PTH2R: variants seen among roughly 807,000 people sequenced by gnomAD.
The protein encoded by PTH2R is PTH2 receptor.
Under a neutral mutation model 60.3 loss-of-function variants are expected in PTH2R, and 59 were observed. The observed-to-expected ratio is 0.98, with a 90% CI of 0.79 to 1.22. PTH2R has a LOEUF of 1.22. PTH2R is among the 50% of genes most tolerant of loss of function. The pLI, the probability that PTH2R is intolerant of heterozygous loss-of-function variation, is 0.00. For synonymous variants in PTH2R, 256 were observed against 243.8 expected (o/e 1.05, Z -0.47); for missense variants, 749 against 682.6 (o/e 1.10, Z -1.08).
chr2:208,445,702 C>CA (rs943248901), intron 7 of PTH2R, among the ~76,000 whole-genome samples: 5 of 152,050 alleles, frequency 3.3e-5, no homozygotes, highest in African/African-American at 1.2e-4. Context: ...TTTTCCTCTC[C>CA]AAAATAAGAA....
At chr2:208,365,781 C>G (rs1700566706) in intron 1 of PTH2R, among the ~76,000 whole-genome samples, 1 of 145,386 alleles carries the variant, frequency 6.9e-6, no homozygotes, top group Admixed American at 6.9e-5. Flanking sequence ...CACTGTCACC[C>G]AGGCTGGAGT....
chr2:208,464,008 G>C (rs1232341612), intron 9 of PTH2R, among the ~76,000 whole-genome samples: 7 of 152,172 alleles, frequency 4.6e-5, no homozygotes, highest in Non-Finnish European at 8.8e-5. Flanking sequence ...ACCCAAAATG[G>C]TATAATTATT....
At chr2:208,490,106 T>C (rs751192553) in intron 11 of PTH2R, among the ~76,000 whole-genome samples, 32 of 152,182 alleles carry the variant, frequency 2.1e-4, no homozygotes, top group Non-Finnish European at 3.4e-4. Context: ...ATGTGCTATT[T>C]GTTTATATTT....
At chr2:208,408,260 A>G (rs1701458702) in intron 1 of PTH2R, among the ~76,000 whole-genome samples, 1 of 152,252 alleles carries the variant, frequency 6.6e-6, no homozygotes, top group South Asian at 2.1e-4. Flanking sequence ...GATAGCTGAA[A>G]GTAAGATACA....
At chr2:208,429,915 A>T (rs1311993975) in intron 2 of PTH2R, among the ~76,000 whole-genome samples, 1 of 152,204 alleles carries the variant, frequency 6.6e-6, no homozygotes, top group Non-Finnish European at 1.5e-5. Flanking sequence ...AACTACATTA[A>T]TTGTAGTTAC....
intron 7 of PTH2R, among the ~76,000 whole-genome samples, chr2:208,446,983 C>T (rs188791277): frequency 6.6e-5 from 10 of 152,210 alleles, no homozygotes; most frequent in African/African-American, 1.7e-4. Context: ...TGCTTAAATT[C>T]CTTTGTTACT....
At chr2:208,434,411 C>G (rs1044133351) in intron 2 of PTH2R, among the ~76,000 whole-genome samples, 6 of 152,080 alleles carry the variant, frequency 3.9e-5, no homozygotes, top group African/African-American at 9.7e-5. Context: ...AAAAAATAAG[C>G]ATGATCTACA....
chr2:208,413,141 C>CCACACACACA lies in PTH2R; in HGVS notation c.75+6044_75+6053dup, dbSNP rs5838121. ...TCATCTTTATTTGTTTAAAAAGTGACCACACACACACACACACACACACAC... is the reference window on the plus strand; with the variant it reads ...TCATCTTTATTTGTTTAAAAAGTGACCACACACACACACACACACACACACACACACACAC... On this transcript the variant is annotated intron_variant, in intron 1 of 12. Coordinates refer to ENST00000272847, the MANE Select transcript of PTH2R (RefSeq NM_005048.4). Among the ~76,000 whole-genome samples, 515 of 149,866 alleles carry CCACACACACA rather than the reference C, an allele frequency of 3.4e-3. 1 individual carries two copies. The highest frequency in any genetic ancestry group is 0.012 in the African/African-American group (478 of 40,856).
At chr2:208,452,878 A>G (rs530460784) in intron 8 of PTH2R, among the ~76,000 whole-genome samples, 11 of 152,322 alleles carry the variant, frequency 7.2e-5, no homozygotes, top group Middle Eastern at 3.4e-3. Flanking sequence ...AAGTACTTTG[A>G]TCTCAGATAT....
At chr2:208,389,778 G>A (rs993947368) in intron 1 of PTH2R, among the ~76,000 whole-genome samples, 2 of 151,838 alleles carry the variant, frequency 1.3e-5, no homozygotes, top group African/African-American at 4.8e-5. Flanking sequence ...TTTGAAGATA[G>A]ATTTCTTTTC....
chr2:208,493,788 T>A lies in PTH2R; in HGVS notation c.*129T>A. 1 of 1,090,530 alleles carries A rather than the reference T, an allele frequency of 9.2e-7. No homozygotes were observed. The highest frequency in any genetic ancestry group is 2.6e-5 in the East Asian group (1 of 38,022). The allele number at this position is 1,090,530 out of a possible 1,614,324, so 67.6% of individuals were successfully genotyped here. ...TAAGGTGTTACTTAATAATAGTTTT[T>A]AGGCTCCATGAATTGGCTCCTGTAA... On this transcript the variant is annotated 3_prime_UTR_variant, in exon 13 of 13. Transcript: ENST00000272847.
At chr2:208,465,263 A>G (rs1389666984) in intron 9 of PTH2R, among the ~76,000 whole-genome samples, 1 of 152,080 alleles carries the variant, frequency 6.6e-6, no homozygotes, top group East Asian at 1.9e-4. Context: ...GGTGGGAGCC[A>G]CCATGCCCAG....
intron 3 of PTH2R, 49 bp from the exon 4 acceptor site, chr2:208,437,711 T>C: frequency 6.2e-7 from 1 of 1,604,280 alleles, no homozygotes; most frequent in Non-Finnish European, 8.5e-7. Flanking sequence ...TTCTTGATAA[T>C]AGATTCTAAG....
intron 9 of PTH2R, among the ~76,000 whole-genome samples, chr2:208,462,732 G>A (rs1702658604): frequency 6.6e-6 from 1 of 152,194 alleles, no homozygotes; most frequent in Non-Finnish European, 1.5e-5. Flanking sequence ...CATGAGCAAA[G>A]GTGGTAGTGA....
intron 8 of PTH2R, 93 bp from the exon 9 acceptor site, chr2:208,459,802 G>C (rs1251426241): frequency 1.0e-6 from 1 of 962,726 alleles, no homozygotes; most frequent in African/African-American, 1.6e-5. Flanking sequence ...TGGAAGTGTG[G>C]GGTTGGAGTT....
intron 1 of PTH2R, among the ~76,000 whole-genome samples, chr2:208,412,919 A>C (rs1359715105): frequency 6.6e-6 from 1 of 152,268 alleles, no homozygotes; most frequent in Non-Finnish European, 1.5e-5. Flanking sequence ...AATTTTATAT[A>C]TATTTTCACT....
rs1331249442 is a variant in PTH2R at position 208,407,028 on chromosome 2, T to G, written c.-16T>G. 3 of 1,390,790 alleles carry G rather than the reference T, an allele frequency of 2.2e-6. No individual in the cohort carries two copies. The highest frequency in any genetic ancestry group is 1.9e-4 in the Middle Eastern group (1 of 5,150). 86.2% of individuals were successfully genotyped at this position (1,390,790 alleles called of 1,614,324 possible). On this transcript the variant is annotated 5_prime_UTR_variant, in exon 1 of 13. Coordinates refer to ENST00000272847, the MANE Select transcript of PTH2R (RefSeq NM_005048.4). Reference sequence around the variant, plus strand: ...CTGGAGGAGGGTCCCTGCTTCTTCCTACAGCCGTTCCGGGCATGGCCGGGC... The same window carrying G: ...CTGGAGGAGGGTCCCTGCTTCTTCCGACAGCCGTTCCGGGCATGGCCGGGC...
intron 9 of PTH2R, among the ~76,000 whole-genome samples, chr2:208,471,051 T>C (rs1312254930): frequency 6.6e-6 from 1 of 152,112 alleles, no homozygotes; most frequent in Non-Finnish European, 1.5e-5. Flanking sequence ...GGGAAATGAT[T>C]TAGGTATCTG....
At chr2:208,418,888 A>G (rs866327471) in intron 1 of PTH2R, among the ~76,000 whole-genome samples, 33 of 152,308 alleles carry the variant, frequency 2.2e-4, no homozygotes, top group Middle Eastern at 3.4e-3. Context: ...AGAAGTACCA[A>G]ATGTGTGGGC....
Sources: gnomAD v4.1 joint callset for allele counts (sites outside exome capture counted in the v4.1 genomes callset) on GRCh38, gnomAD v4.1.1 for gene constraint, MANE v1.5 for transcripts, NCBI Gene and HGNC (gene_info 2026-07-23, HGNC 2026-07-21) for gene names.